LRBA: variants seen among roughly 807,000 people sequenced by gnomAD.
LRBA encodes LPS responsive beige-like anchor protein.
LRBA carries 176 observed loss-of-function variants against 330.0 expected under a neutral mutation model. The observed-to-expected ratio is 0.53, with a 90% CI of 0.47 to 0.60. LRBA has a LOEUF of 0.60. Among genes scored for constraint, LRBA ranks in the 20% least tolerant of loss-of-function variants. The pLI is 0.00. For synonymous variants in LRBA, 1,230 were observed against 1,193.0 expected (o/e 1.03, Z -0.64); for missense variants, 3,259 against 3,444.8 (o/e 0.95, Z 1.35).
chr4:151,014,412 T>C lies in LRBA; in HGVS notation c.216+15A>G. On this transcript the variant is annotated intron_variant, in intron 2 of 56. Transcript: ENST00000651943. ...CTGAAAAGAGTATATGCTTATAAAA[T>C]ATTCATGGACTTACCAGGTTAAAGA... 1 of 1,599,334 alleles carries C rather than the reference T, an allele frequency of 6.3e-7. No individual in the cohort carries two copies. The highest frequency in any genetic ancestry group is 1.7e-4 in the Middle Eastern group (1 of 6,038).
At chr4:150,388,089 G>A (rs1172809087) in intron 47 of LRBA, among the ~76,000 whole-genome samples, 5 of 152,192 alleles carry the variant, frequency 3.3e-5, no homozygotes, top group Non-Finnish European at 5.9e-5. Flanking sequence ...CAAGATCAAG[G>A]TTCCCATAAG....
intron 13 of LRBA, among the ~76,000 whole-genome samples, chr4:150,904,939 G>C (rs1022553470): frequency 3.3e-5 from 5 of 152,234 alleles, no homozygotes; most frequent in African/African-American, 7.2e-5. Flanking sequence ...AACACTGCAA[G>C]TGGGCCAAAA....
At chr4:150,473,010 G>A (rs1487525523) in intron 42 of LRBA, among the ~76,000 whole-genome samples, 1 of 152,034 alleles carries the variant, frequency 6.6e-6, no homozygotes, top group Non-Finnish European at 1.5e-5. Context: ...GAGTGGAATT[G>A]CTAGGTTGTA....
intron 37 of LRBA, among the ~76,000 whole-genome samples, chr4:150,649,778 G>A (rs1779539011): frequency 6.6e-6 from 1 of 152,030 alleles, no homozygotes; most frequent in Non-Finnish European, 1.5e-5. Context: ...ATAAAAAACA[G>A]AGGAATAGGA....
At chr4:150,384,352 T>C (rs561322477) in intron 47 of LRBA, among the ~76,000 whole-genome samples, 75 of 152,272 alleles carry the variant, frequency 4.9e-4, no homozygotes, top group African/African-American at 1.8e-3. Flanking sequence ...GTGTATTTTT[T>C]ACATCTATAT....
At chr4:150,631,826 G>C (rs1171221387) in intron 37 of LRBA, among the ~76,000 whole-genome samples, 2 of 152,214 alleles carry the variant, frequency 1.3e-5, no homozygotes, top group Non-Finnish European at 1.5e-5. Flanking sequence ...TGTTGAGTTT[G>C]AGGGGCCAGA....
chr4:150,745,902 T>C (rs1448086075), intron 35 of LRBA, among the ~76,000 whole-genome samples: 1 of 152,224 alleles, frequency 6.6e-6, no homozygotes, highest in African/African-American at 2.4e-5. Context: ...TACTGACATA[T>C]ACACTTAGAT....
rs1206766891 is a variant in LRBA at position 150,310,328 on chromosome 4, G to A, written c.7750C>T (p.Gln2584Ter). The part of the protein sequence containing the change: ...QITDLLDQSI[Q>*]VHSQCFVITS... ...ATGACAAAGCACTGGGAATGCACTT[G>A]AATACTTTGGTCTAAAAGGTCAGTG... Residue 2584 changes from glutamine to a stop codon, truncating the protein, a stop_gained, in exon 52 of 57, where the codon CAA becomes TAA. Coordinates refer to ENST00000651943, the MANE Select transcript of LRBA (RefSeq NM_001364905.1). LOFTEE classifies it high-confidence loss of function. 1 of 1,612,824 alleles carries A rather than the reference G, an allele frequency of 6.2e-7. No homozygotes were observed. The highest frequency in any genetic ancestry group is 1.1e-5 in the South Asian group (1 of 91,030).
chr4:150,947,436 C>T (rs1395471976), intron 2 of LRBA, among the ~76,000 whole-genome samples: 1 of 151,916 alleles, frequency 6.6e-6, no homozygotes, highest in East Asian at 1.9e-4. Context: ...GACAATCACA[C>T]GATCATATCA....
intron 56 of LRBA, among the ~76,000 whole-genome samples, chr4:150,266,925 A>AATATCTTT (rs1328464320): frequency 4.0e-4 from 61 of 152,236 alleles, no homozygotes; most frequent in Non-Finnish European, 6.9e-4. Flanking sequence ...CTAATATCAG[A>AATATCTTT]CAAAATAGTC....
At chr4:151,002,719 A>G (rs750312395) in intron 2 of LRBA, among the ~76,000 whole-genome samples, 1 of 152,216 alleles carries the variant, frequency 6.6e-6, no homozygotes. Context: ...TCTGGTACTG[A>G]AGAATTAAAT....
intron 51 of LRBA, among the ~76,000 whole-genome samples, chr4:150,313,432 T>G (rs559119887): frequency 6.6e-6 from 1 of 152,280 alleles, no homozygotes; most frequent in Admixed American, 6.5e-5. Flanking sequence ...GAACTTGTGA[T>G]GAAAACTTTT....
At chr4:150,454,423 A>G (rs1753791233) in intron 44 of LRBA, among the ~76,000 whole-genome samples, 1 of 152,086 alleles carries the variant, frequency 6.6e-6, no homozygotes, top group South Asian at 2.1e-4. Flanking sequence ...GGATTGTATG[A>G]TGATTTGAAC....
chr4:150,588,131 T>C lies in LRBA; in HGVS notation c.6247A>G (p.Lys2083Glu). 6.2e-6 allele frequency: 10 copies of C among 1,612,120 alleles called. No individual in the cohort carries two copies. Among genetic ancestry groups the C allele is most frequent in the Non-Finnish European group, 8.5e-6 (10 of 1,179,140 alleles). Reference sequence around the variant, plus strand: ...GAGGAGGTGACAGAAAGAGTGCCCTTTACTACAACAGAGGGGGCCACAAGC... The same window carrying C: ...GAGGAGGTGACAGAAAGAGTGCCCTCTACTACAACAGAGGGGGCCACAAGC... ...AQLVAPSVVV[K>E]GTLSVTSSEL... Residue 2083 changes from lysine to glutamate, a missense_variant, in exon 40 of 57, where the codon AAG (lysine) becomes GAG (glutamate). Transcript: ENST00000651943.
At chr4:150,871,294 G>A (rs376912561) in intron 19 of LRBA, 51 bp downstream of exon 19, 4 of 939,104 alleles carry the variant, frequency 4.3e-6, no homozygotes, top group South Asian at 2.8e-5. Context: ...ATGTTAAGAG[G>A]CATTTTTATA....
chr4:150,421,785 G>A (rs888204977), intron 46 of LRBA, among the ~76,000 whole-genome samples: 4 of 152,068 alleles, frequency 2.6e-5, no homozygotes, highest in South Asian at 2.1e-4. Flanking sequence ...CCACCCCAGC[G>A]TCTTGGTGTC....
intron 49 of LRBA, among the ~76,000 whole-genome samples, chr4:150,323,493 G>A (rs148039063): frequency 6.6e-6 from 1 of 152,294 alleles, no homozygotes; most frequent in Non-Finnish European, 1.5e-5. Flanking sequence ...TCTCTCATGT[G>A]TAGGAAGAAT....
chr4:150,916,206 T>C (rs189807037), intron 7 of LRBA, among the ~76,000 whole-genome samples, 195 bp downstream of exon 7: 33 of 152,322 alleles, frequency 2.2e-4, no homozygotes, highest in African/African-American at 7.9e-4. Context: ...TTAATCTCCA[T>C]AAATAACTAA....
chr4:150,400,034 T>C (rs1346580463), intron 47 of LRBA, among the ~76,000 whole-genome samples: 1 of 152,208 alleles, frequency 6.6e-6, no homozygotes, highest in Non-Finnish European at 1.5e-5. Flanking sequence ...TCTGGCATTT[T>C]TGTAGGCAAA....
Sources: allele counts gnomAD v4.1 joint callset (sites outside exome capture counted in the v4.1 genomes callset), GRCh38; gene constraint gnomAD v4.1.1; transcripts MANE v1.5; gene names NCBI Gene and HGNC (gene_info 2026-07-23, HGNC 2026-07-21).